ZNF254: variants seen among roughly 807,000 people sequenced by gnomAD.
ZNF254 encodes the protein CTD-2017D11.1.
In ZNF254, 10 loss-of-function variants were observed where a neutral mutation model predicts 12.4. The ratio of observed to expected loss-of-function variants is 0.80; its 90% CI spans 0.50 to 1.36. The LOEUF (loss-of-function observed/expected upper bound fraction) is 1.36, where lower values mean the gene tolerates loss of function less well. ZNF254 is among the 40% of genes most tolerant of loss of function. The pLI, the probability that ZNF254 is intolerant of heterozygous loss-of-function variation, is 0.00. For missense variants in ZNF254, 996 were observed against 763.9 expected (o/e 1.30, Z -3.58); for synonymous variants, 305 against 253.4 (o/e 1.20, Z -1.93).
In ZNF254 at chr19:24,127,706, C is replaced by G. The variant is rs752362223; in HGVS notation, c.1706C>G (p.Thr569Ser). 3 of 1,613,192 alleles carry G rather than the reference C, an allele frequency of 1.9e-6. No individual in the cohort carries two copies. Among genetic ancestry groups the G allele is most frequent in the East Asian group, 2.2e-5 (1 of 44,826 alleles). The change falls in exon 4 of 4, where the codon ACT (threonine) becomes AGT (serine). Residue 569 changes from threonine to serine, a missense_variant. Coordinates refer to ENST00000357002, the MANE Select transcript of ZNF254 (RefSeq NM_203282.4). ...SILTNHKRIHTGEKPYKCEEC... is the reference protein window; with the variant it reads ...SILTNHKRIHSGEKPYKCEEC... ...CTTACTAACCATAAGAGAATTCATACTGGAGAGAAACCCTATAAATGTGAA... is the reference window on the plus strand; with the variant it reads ...CTTACTAACCATAAGAGAATTCATAGTGGAGAGAAACCCTATAAATGTGAA...
At chr19:24,112,789 T>C (rs1159032982) in intron 3 of ZNF254, among the ~76,000 whole-genome samples, 1 of 151,838 alleles carries the variant, frequency 6.6e-6, no homozygotes. Context: ...CTAGCAAGAC[T>C]AATAAAGAAA....
intron 2 of ZNF254, among the ~76,000 whole-genome samples, chr19:24,072,839 C>G (rs1273326118): frequency 6.6e-6 from 1 of 152,148 alleles, no homozygotes; most frequent in African/African-American, 2.4e-5. Flanking sequence ...CTGTCTGATC[C>G]CTACCCTGGA....
At chr19:24,100,041 T>C (rs978221528) in intron 1 of ZNF254, among the ~76,000 whole-genome samples, 2 of 152,232 alleles carry the variant, frequency 1.3e-5, no homozygotes, top group Admixed American at 6.5e-5. Context: ...CACCTAAATA[T>C]GCAGGCAGAA....
intron 1 of ZNF254, among the ~76,000 whole-genome samples, chr19:24,045,019 T>C (rs1458647154): frequency 6.6e-6 from 1 of 152,184 alleles, no homozygotes; most frequent in Non-Finnish European, 1.5e-5. Context: ...CCGTACCTTG[T>C]TTTAACCTGA....
chr19:24,066,825 A>C (rs957615950), intron 2 of ZNF254: 1 of 152,186 alleles, frequency 6.6e-6, no homozygotes, highest in African/African-American at 2.4e-5. Context: ...GCTTAAGTCC[A>C]GGAGGTGGAG....
upstream of ZNF254, among the ~76,000 whole-genome samples, chr19:24,085,078 C>T (rs551649008): frequency 9.2e-5 from 14 of 151,360 alleles, no homozygotes; most frequent in East Asian, 1.8e-3. Context: ...ACTACAGGCA[C>T]GCGCCACCAC....
In ZNF254 at chr19:24,129,024, T is replaced by C. The variant is rs796923485; in HGVS notation, c.*1044T>C. On this transcript the variant is annotated 3_prime_UTR_variant, in exon 4 of 4. Coordinates refer to ENST00000357002, the MANE Select transcript of ZNF254 (RefSeq NM_203282.4). Reference sequence around the variant, plus strand: ...TGTTGCTGCATAAAAGATATGAGATTCTTTTTTATTAGGCATTATTTATGA... The same window carrying C: ...TGTTGCTGCATAAAAGATATGAGATCCTTTTTTATTAGGCATTATTTATGA... 9.9e-5 allele frequency: 15 copies of C among 152,130 alleles called. No homozygotes were observed. The highest frequency in any genetic ancestry group is 3.6e-4 in the African/African-American group (15 of 41,554). 9.4% of individuals were successfully genotyped at this position (152,130 alleles called of 1,614,324 possible).
At chr19:24,113,225 C>A (rs1973810142) in intron 3 of ZNF254, among the ~76,000 whole-genome samples, 11 of 152,022 alleles carry the variant, frequency 7.2e-5, no homozygotes, top group Admixed American at 7.2e-4. Flanking sequence ...AGAGACACAA[C>A]CAAAAAAGAG....
chr19:24,086,023 T>C (rs1401554189), upstream of ZNF254, among the ~76,000 whole-genome samples: 1 of 151,362 alleles, frequency 6.6e-6, no homozygotes, highest in African/African-American at 2.4e-5. Context: ...CCTGGCAACA[T>C]AGTGAAACCC....
At chr19:24,045,530 G>C (rs931146681) in intron 1 of ZNF254, among the ~76,000 whole-genome samples, 13 of 152,036 alleles carry the variant, frequency 8.6e-5, no homozygotes, top group Admixed American at 4.6e-4. Flanking sequence ...TTAGCTGGGC[G>C]TGGTGGCGGC....
chr19:24,034,708 A>G (rs1199572175), intron 1 of ZNF254, among the ~76,000 whole-genome samples: 1 of 151,698 alleles, frequency 6.6e-6, no homozygotes. Flanking sequence ...AACTCTGGAC[A>G]AGAGGTAATC....
At chr19:24,046,878 C>T (rs112147812) in intron 2 of ZNF254, among the ~76,000 whole-genome samples, 23,538 of 126,044 alleles carry the variant, frequency 0.19, 2,035 homozygotes, top group Middle Eastern at 0.26. Flanking sequence ...TTTTTTTTTT[C>T]CCTTGAGATA....
intron 1 of ZNF254, among the ~76,000 whole-genome samples, chr19:24,042,404 T>C (rs1226334255): frequency 6.6e-6 from 1 of 152,198 alleles, no homozygotes; most frequent in Admixed American, 6.5e-5. Flanking sequence ...TCAGGTCCCC[T>C]TCCACACTGT....
rs1599673709 is a variant in ZNF254 at position 24,087,205 on chromosome 19, C to T, written c.-103C>T. 6.6e-6 allele frequency: 10 copies of T among 1,512,016 alleles called. No homozygotes were observed. Among genetic ancestry groups the T allele is most frequent in the East Asian group, 2.3e-5 (1 of 43,680 alleles). 93.7% of individuals were successfully genotyped at this position (1,512,016 alleles called of 1,614,324 possible). A position where few individuals can be genotyped will look rare whatever the true frequency, so the allele number is the denominator to read the frequency against. On this transcript the variant is annotated 5_prime_UTR_variant, in exon 1 of 4. Transcript: ENST00000357002. The stretch of plus-strand genomic sequence containing the variant: ...TGGCGGGGCCTTTGTCTCTCGCTGT[C>T]GCCGGAGTCCCAGGTCTGTCTTCAC...
At chr19:24,056,811 C>G (rs1256664455) in intron 2 of ZNF254, among the ~76,000 whole-genome samples, 2 of 152,178 alleles carry the variant, frequency 1.3e-5, no homozygotes, top group Admixed American at 1.3e-4. Context: ...GCCCTGGTTT[C>G]AGGAGGAAAT....
intron 2 of ZNF254, among the ~76,000 whole-genome samples, chr19:24,052,883 G>T (rs1338443353): frequency 6.6e-6 from 1 of 152,156 alleles, no homozygotes; most frequent in Non-Finnish European, 1.5e-5. Flanking sequence ...CATAGCCAGG[G>T]TCAGGAAAAT....
intron 2 of ZNF254, among the ~76,000 whole-genome samples, chr19:24,051,057 A>C (rs1252632749): frequency 1.3e-5 from 2 of 152,120 alleles, no homozygotes; most frequent in Non-Finnish European, 2.9e-5. Flanking sequence ...ATTTTGACAC[A>C]TAGCTGGGGC....
chr19:24,086,216 T>TA (rs1199628269), upstream of ZNF254, among the ~76,000 whole-genome samples: 1 of 151,406 alleles, frequency 6.6e-6, no homozygotes, highest in Non-Finnish European at 1.5e-5. Context: ...AGACAAAAAA[T>TA]AAAAAATAAA....
chr19:24,076,755 A>T lies in ZNF254; in HGVS notation c.-93-29185A>T, dbSNP rs749872910. On this transcript the variant is annotated intron_variant, in intron 2 of 4. Coordinates refer to the ZNF254 transcript ENST00000613065. ...AAGTTTTCCGTTAATACTTCTGAATAGATACATTGTTTTATTCTGTCAAGT... is the reference window on the plus strand; with the variant it reads ...AAGTTTTCCGTTAATACTTCTGAATTGATACATTGTTTTATTCTGTCAAGT... Among the ~76,000 whole-genome samples the T allele has an allele frequency of 3.7e-4, 57 of 152,350 alleles. No individual in the cohort carries two copies. In the Middle Eastern group the frequency reaches 0.01, roughly 27 times the overall value.
Sources: allele counts gnomAD v4.1 joint callset (sites outside exome capture counted in the v4.1 genomes callset), GRCh38; gene constraint gnomAD v4.1.1; transcripts MANE v1.5; gene names NCBI Gene and HGNC (gene_info 2026-07-23, HGNC 2026-07-21).